GPR158: variants seen among roughly 807,000 people sequenced by gnomAD.
The protein encoded by GPR158 is metabotropic glycine receptor.
Under a neutral mutation model 78.2 loss-of-function variants are expected in GPR158, and 30 were observed. The observed-to-expected ratio is 0.38, with a 90% confidence interval of 0.29 to 0.52. GPR158 has a LOEUF of 0.52. GPR158 is among the 20% of genes least tolerant of loss of function. The pLI is 0.83. For missense variants in GPR158, 1,463 were observed against 1,523.5 expected (o/e 0.96, Z 0.66); for synonymous variants, 581 against 591.1 (o/e 0.98, Z 0.25).
At chr10:25,535,935 G>A (rs1026117551) in intron 5 of GPR158, among the ~76,000 whole-genome samples, 6 of 152,058 alleles carry the variant, frequency 3.9e-5, no homozygotes, top group Admixed American at 6.6e-5. Context: ...AATAAAACTG[G>A]CATTTCTCCA....
chr10:25,497,546 T>G (rs1248480790), intron 5 of GPR158, among the ~76,000 whole-genome samples: 1 of 152,048 alleles, frequency 6.6e-6, no homozygotes, highest in Non-Finnish European at 1.5e-5. Context: ...TGTAGACAGA[T>G]TGGAACAAGT....
chr10:25,432,495 T>C (rs999656569), intron 4 of GPR158, among the ~76,000 whole-genome samples: 24 of 152,202 alleles, frequency 1.6e-4, no homozygotes, highest in African/African-American at 4.3e-4. Flanking sequence ...CATATACTTA[T>C]AGCACTATAT....
At chr10:25,537,905 C>T (rs1395893221) in intron 5 of GPR158, among the ~76,000 whole-genome samples, 2 of 152,134 alleles carry the variant, frequency 1.3e-5, no homozygotes, top group East Asian at 1.9e-4. Flanking sequence ...GAAGCCTCCC[C>T]AGCCATGCTT....
At chr10:25,366,911 A>G (rs915952649) in intron 2 of GPR158, among the ~76,000 whole-genome samples, 1 of 151,750 alleles carries the variant, frequency 6.6e-6, no homozygotes, top group Non-Finnish European at 1.5e-5. Context: ...TGGCATGTCT[A>G]TCTTTTTCTT....
chr10:25,592,183 G>A (rs1253220912), intron 8 of GPR158, among the ~76,000 whole-genome samples: 1 of 151,724 alleles, frequency 6.6e-6, no homozygotes, highest in East Asian at 1.9e-4. Flanking sequence ...TTATGTCTAT[G>A]TATGTATATA....
intron 4 of GPR158, among the ~76,000 whole-genome samples, chr10:25,412,909 G>T (rs1182007570): frequency 1.3e-5 from 2 of 152,174 alleles, no homozygotes; most frequent in Non-Finnish European, 2.9e-5. Flanking sequence ...TTTGAAGAAT[G>T]AATTTATTTA....
At chr10:25,578,085 A>C (rs74126242) in intron 7 of GPR158, among the ~76,000 whole-genome samples, 8 of 152,214 alleles carry the variant, frequency 5.3e-5, no homozygotes, top group African/African-American at 1.9e-4. Flanking sequence ...AATCATCTAC[A>C]TCTATAATAA....
chr10:25,535,943 C>G (rs1231765682), intron 5 of GPR158, among the ~76,000 whole-genome samples: 4 of 152,122 alleles, frequency 2.6e-5, no homozygotes, highest in Admixed American at 6.6e-5. Context: ...TGGCATTTCT[C>G]CATTGTTTTG....
chr10:25,332,232 C>T (rs1855135881), intron 2 of GPR158, among the ~76,000 whole-genome samples: 2 of 152,138 alleles, frequency 1.3e-5, no homozygotes, highest in Non-Finnish European at 2.9e-5. Flanking sequence ...AGGCCCCTGC[C>T]ATTGTTAGTT....
At chr10:25,403,792 C>A (rs568041412) in intron 3 of GPR158, among the ~76,000 whole-genome samples, 40 of 152,094 alleles carry the variant, frequency 2.6e-4, no homozygotes, top group Middle Eastern at 6.8e-3. Context: ...AGAGCATGAA[C>A]AATGAAGTGG....
intron 2 of GPR158, among the ~76,000 whole-genome samples, chr10:25,323,129 G>A (rs903467986): frequency 6.6e-6 from 1 of 152,128 alleles, no homozygotes; most frequent in Non-Finnish European, 1.5e-5. Context: ...ACAGTTGTGA[G>A]CCACCGCGCC....
chr10:25,241,419 T>TC lies in GPR158; in HGVS notation c.1008+20262_1008+20263insC, dbSNP rs1564399858. On this transcript the variant is annotated intron_variant, in intron 2 of 10. Transcript: ENST00000376351. Reference sequence around the variant, plus strand: ...CTCTTCTCTTCTCTTCTCTTTTCTTTTCTTTTCTTTTCTTTTCTTTCGACA... The same window carrying TC: ...CTCTTCTCTTCTCTTCTCTTTTCTTTCTCTTTTCTTTTCTTTTCTTTCGACA... Among the ~76,000 whole-genome samples, 164 of 88,316 alleles carry TC rather than the reference T, an allele frequency of 1.9e-3. 5 individuals are homozygous for TC. Among genetic ancestry groups the TC allele is most frequent in the African/African-American group, 8.0e-3 (146 of 18,308 alleles). 57.9% of individuals were successfully genotyped at this position (88,316 alleles called of 152,430 possible).
At chr10:25,197,875 C>T (rs895496165) in intron 1 of GPR158, among the ~76,000 whole-genome samples, 3 of 152,286 alleles carry the variant, frequency 2.0e-5, no homozygotes, top group East Asian at 3.9e-4. Context: ...ACTGGGTTCC[C>T]TGACAAGAAA....
At chr10:25,372,638 C>T (rs1162866323) in intron 2 of GPR158, among the ~76,000 whole-genome samples, 11 of 141,248 alleles carry the variant, frequency 7.8e-5, no homozygotes, top group African/African-American at 1.6e-4. Context: ...TATTCTCAGT[C>T]ATAGGTGGGA....
intron 1 of GPR158, among the ~76,000 whole-genome samples, chr10:25,187,236 A>G (rs1852701734): frequency 6.6e-6 from 1 of 151,608 alleles, no homozygotes; most frequent in Non-Finnish European, 1.5e-5. Flanking sequence ...AAGTGCTGGG[A>G]TTACAGGCGT....
intron 2 of GPR158, among the ~76,000 whole-genome samples, chr10:25,276,067 C>T (rs1262773201): frequency 1.3e-5 from 2 of 152,158 alleles, no homozygotes; most frequent in African/African-American, 4.8e-5. Context: ...AGCTGAAAAA[C>T]ACATTTCTTA....
chr10:25,350,701 G>T (rs1411385463), intron 2 of GPR158, among the ~76,000 whole-genome samples: 1 of 151,906 alleles, frequency 6.6e-6, no homozygotes, highest in Non-Finnish European at 1.5e-5. Context: ...CTGAGTTTTG[G>T]TTGCCTTGGA....
At chr10:25,409,835 T>A (rs1191797404) in intron 3 of GPR158, among the ~76,000 whole-genome samples, 1 of 152,208 alleles carries the variant, frequency 6.6e-6, no homozygotes, top group African/African-American at 2.4e-5. Flanking sequence ...AAAAATATCA[T>A]AATTATTCCT....
At chr10:25,248,455 A>G (rs879044006) in intron 2 of GPR158, among the ~76,000 whole-genome samples, 6 of 151,848 alleles carry the variant, frequency 4.0e-5, no homozygotes, top group African/African-American at 9.6e-5. Flanking sequence ...TAGGTCTAAC[A>G]TTTAAATCTT....
Sources: gnomAD v4.1 joint callset for allele counts (sites outside exome capture counted in the v4.1 genomes callset) on GRCh38, gnomAD v4.1.1 for gene constraint, MANE v1.5 for transcripts, NCBI Gene and HGNC (gene_info 2026-07-23, HGNC 2026-07-21) for gene names.